The following PTPRD variants were observed in gnomAD, a reference collection of about 807,000 sequenced individuals.
The protein encoded by PTPRD is protein tyrosine phosphatase receptor type D, also known as receptor-type tyrosine-protein phosphatase delta.
PTPRD carries 34 observed loss-of-function variants against 214.5 expected under a neutral mutation model. The ratio of observed to expected loss-of-function variants is 0.16; its 90% confidence interval spans 0.12 to 0.21. The LOEUF is 0.21. Ranked by LOEUF, PTPRD falls within the 10% of genes least tolerant of loss-of-function variation. PTPRD has a pLI of 1.00. For synonymous variants in PTPRD, 1,128 were observed against 845.7 expected, an observed-to-expected ratio of 1.33 and a Z score of -5.79; for missense variants, 2,545 against 2,398.7, an observed-to-expected ratio of 1.06 and a Z score of -1.27.
intron 7 of PTPRD, among the ~76,000 whole-genome samples, chr9:9,649,013 C>G (rs924686315): frequency 1.3e-5 from 2 of 151,992 alleles, no homozygotes; most frequent in African/African-American, 4.8e-5. Context: ...AGCAGAGGGG[C>G]CTTTGTGTTG....
chr9:8,681,669 T>A (rs1030437494), intron 12 of PTPRD, among the ~76,000 whole-genome samples: 2 of 152,214 alleles, frequency 1.3e-5, no homozygotes, highest in Admixed American at 1.3e-4. Flanking sequence ...ACGATGTGCA[T>A]GCGTCATATA....
intron 3 of PTPRD, among the ~76,000 whole-genome samples, chr9:10,330,560 G>A (rs1317384164): frequency 6.6e-6 from 1 of 151,804 alleles, no homozygotes; most frequent in African/African-American, 2.4e-5. Flanking sequence ...GATGCATACT[G>A]CCTGTGCTAT....
intron 9 of PTPRD, among the ~76,000 whole-genome samples, chr9:9,374,342 T>G (rs1273501623): frequency 6.6e-6 from 1 of 152,098 alleles, no homozygotes; most frequent in Non-Finnish European, 1.5e-5. Flanking sequence ...ATAATTAAAT[T>G]TTTAAAACAG....
chr9:10,128,940 T>G (rs932017941), intron 3 of PTPRD, among the ~76,000 whole-genome samples: 2 of 152,166 alleles, frequency 1.3e-5, no homozygotes, highest in African/African-American at 4.8e-5. Flanking sequence ...AGTGTCATCA[T>G]GGCTACTATC....
At chr9:8,621,379 T>C (rs1468195237) in intron 14 of PTPRD, among the ~76,000 whole-genome samples, 1 of 152,012 alleles carries the variant, frequency 6.6e-6, no homozygotes, top group Non-Finnish European at 1.5e-5. Context: ...GTAAAGTAAT[T>C]TTAATTTTTA....
At chr9:8,615,424 G>A (rs2095579701) in intron 14 of PTPRD, among the ~76,000 whole-genome samples, 1 of 152,076 alleles carries the variant, frequency 6.6e-6, no homozygotes, top group African/African-American at 2.4e-5. Context: ...CATGAAGAAA[G>A]AGCAGTCTAA....
chr9:10,175,673 A>C (rs1416654590), intron 3 of PTPRD, among the ~76,000 whole-genome samples: 2 of 152,072 alleles, frequency 1.3e-5, no homozygotes, highest in African/African-American at 4.8e-5. Flanking sequence ...AGTATGTTGA[A>C]ATATTCTTTC....
intron 11 of PTPRD, among the ~76,000 whole-genome samples, chr9:8,965,555 T>C (rs2099188424): frequency 6.6e-6 from 1 of 152,144 alleles, no homozygotes; most frequent in African/African-American, 2.4e-5. Context: ...TTAAGTCTTC[T>C]TGTTGATATG....
rs1596709418 is a variant in PTPRD, at chr9:9,750,943, G to A, written c.-326+15867C>T. ...AATGAGCAGCCAGTTGGCTTCACAT[G>A]TCGCAATCATTAAAGTGCATTAAAT... On this transcript the variant is annotated intron_variant, in intron 6 of 45. Transcript: ENST00000381196. Among the ~76,000 whole-genome samples the A allele has an allele frequency of 2.6e-5, 4 of 152,154 alleles. No individual in the cohort carries two copies. The South Asian group carries it at 8.3e-4, about 32-fold the overall frequency.
At chr9:9,205,521 G>A (rs992573384) in intron 9 of PTPRD, among the ~76,000 whole-genome samples, 14 of 152,094 alleles carry the variant, frequency 9.2e-5, no homozygotes, top group Admixed American at 6.5e-4. Context: ...AATTCAAAAC[G>A]TTTTCCCATA....
rs561394797 is a variant in PTPRD, at chr9:8,620,140, T to C, written c.352+13177A>G. ...CACATTCCAAAACTGCATTGAACGC[T>C]TGGTAATTACTAATTCTCTAGGATT... On this transcript the variant is annotated intron_variant, in intron 14 of 45. Transcript: ENST00000381196. 2.8e-3 allele frequency among the ~76,000 whole-genome samples: 428 copies of C among 152,196 alleles called. 1 individual carries two copies. The highest frequency in any genetic ancestry group is 9.7e-3 in the African/African-American group (403 of 41,568).
chr9:10,426,882 C>T (rs1189369753), intron 2 of PTPRD, among the ~76,000 whole-genome samples: 2 of 152,024 alleles, frequency 1.3e-5, no homozygotes, highest in Admixed American at 1.3e-4. Context: ...GTCACTGTTT[C>T]TGAATCTTCC....
intron 11 of PTPRD, among the ~76,000 whole-genome samples, chr9:8,932,230 A>C (rs111694463): frequency 0.16 from 24,027 of 151,926 alleles, 2,162 homozygotes; most frequent in Non-Finnish European, 0.2. Flanking sequence ...TTGCCTCTCT[A>C]GTTCTTTTAA....
rs568313643 is a variant in PTPRD, at chr9:9,809,102, T to A, written c.-367-42251A>T. Among the ~76,000 whole-genome samples the A allele has an allele frequency of 1.7e-3, 263 of 152,042 alleles. 5 individuals are homozygous for A. Among genetic ancestry groups the A allele is most frequent in the South Asian group, 0.016 (79 of 4,798 alleles). On this transcript the variant is annotated intron_variant, in intron 5 of 45. Coordinates refer to ENST00000381196, the MANE Select transcript of PTPRD (RefSeq NM_002839.4). ...TGCCTAGCCTGAAGAGGGCATTTAA[T>A]CCCCAACTATGTGGCCCTTCTTTTG...
chr9:8,848,313 CTTTTTTTTT>C (rs371491854), intron 11 of PTPRD, among the ~76,000 whole-genome samples: 10 of 132,660 alleles, frequency 7.5e-5, no homozygotes, highest in East Asian at 2.2e-4. Flanking sequence ...AAGATTTTTC[CTTTTTTTTT>C]TTTTTTTTTT....
At chr9:9,790,800 T>C (rs2098961464) in intron 5 of PTPRD, among the ~76,000 whole-genome samples, 1 of 152,164 alleles carries the variant, frequency 6.6e-6, no homozygotes, top group South Asian at 2.1e-4. Context: ...GTTTCAGTAG[T>C]TGCCTAGAAT....
At chr9:10,125,446 T>TATC (rs1185682316) in intron 3 of PTPRD, among the ~76,000 whole-genome samples, 1 of 145,772 alleles carries the variant, frequency 6.9e-6, no homozygotes, top group Admixed American at 6.9e-5. Context: ...TTATTATTAT[T>TATC]ATTATTATTA....
In PTPRD at chr9:10,068,832, C is replaced by T. The variant is rs141746172; in HGVS notation, c.-544-35042G>A. ...TCCCTTTTTTTCACTCTGTTTAGTA[C>T]ACATGTTGTCTTTGTATTTTTGGCC... On this transcript the variant is annotated intron_variant, in intron 3 of 45. Transcript: ENST00000381196. 1.7e-3 allele frequency among the ~76,000 whole-genome samples: 262 copies of T among 151,980 alleles called. 1 individual carries two copies. The highest frequency in any genetic ancestry group is 6.1e-3 in the African/African-American group (254 of 41,502).
At chr9:8,841,561 A>T (rs546581201) in intron 11 of PTPRD, among the ~76,000 whole-genome samples, 3 of 152,288 alleles carry the variant, frequency 2.0e-5, no homozygotes, top group South Asian at 4.1e-4. Context: ...CCCAACAGAG[A>T]TCTTTTGTTA....
Sources: allele counts gnomAD v4.1 joint callset (sites outside exome capture counted in the v4.1 genomes callset), GRCh38; gene constraint gnomAD v4.1.1; transcripts MANE v1.5; gene names NCBI Gene and HGNC (gene_info 2026-07-23, HGNC 2026-07-21).